Variants in CPNE4 observed in about 807,000 individuals in gnomAD.
CPNE4 encodes copine-4.
CPNE4 carries 25 observed loss-of-function variants against 67.9 expected under a neutral mutation model. The observed-to-expected ratio is 0.37, with a 90% CI of 0.27 to 0.51. CPNE4 has a LOEUF of 0.51. Ranked by LOEUF, CPNE4 falls within the 20% of genes least tolerant of loss-of-function variation. The pLI is 0.93. For synonymous variants in CPNE4, 242 were observed against 244.9 expected (o/e 0.99, Z 0.11); for missense variants, 464 against 690.8 (o/e 0.67, Z 3.68).
intron 1 of CPNE4, among the ~76,000 whole-genome samples, chr3:131,981,434 C>T (rs1332257784): frequency 6.6e-6 from 1 of 152,002 alleles, no homozygotes; most frequent in African/African-American, 2.4e-5. Context: ...CGGATTATGG[C>T]CGCCTCTTCT....
chr3:131,758,105 A>AC (rs1483838397), intron 2 of CPNE4, among the ~76,000 whole-genome samples: 1 of 152,202 alleles, frequency 6.6e-6, no homozygotes, highest in Non-Finnish European at 1.5e-5. Flanking sequence ...CTACTGGGGC[A>AC]CCACCTAGTG....
At chr3:131,797,950 T>C (rs1215666502) in intron 2 of CPNE4, among the ~76,000 whole-genome samples, 1 of 152,144 alleles carries the variant, frequency 6.6e-6, no homozygotes, top group Non-Finnish European at 1.5e-5. Context: ...ACCCGCCAAT[T>C]TGGTTCCCAG....
chr3:131,790,009 A>G (rs2083675183), intron 2 of CPNE4, among the ~76,000 whole-genome samples: 1 of 152,096 alleles, frequency 6.6e-6, no homozygotes, highest in Non-Finnish European at 1.5e-5. Context: ...CCCTTGTCAG[A>G]TCATTTAGTG....
At chr3:131,697,004 T>C (rs923605403) in intron 4 of CPNE4, among the ~76,000 whole-genome samples, 1 of 152,228 alleles carries the variant, frequency 6.6e-6, no homozygotes, top group Admixed American at 6.5e-5. Context: ...ATATTTCTTT[T>C]TGAGTGAGAC....
intron 2 of CPNE4, among the ~76,000 whole-genome samples, chr3:131,893,510 G>T (rs1012220005): frequency 6.6e-6 from 1 of 151,932 alleles, no homozygotes; most frequent in Admixed American, 6.6e-5. Context: ...TCATCCAATA[G>T]CTGAAGAATA....
intron 2 of CPNE4, among the ~76,000 whole-genome samples, chr3:131,737,996 A>G (rs960993547): frequency 1.3e-5 from 2 of 152,228 alleles, no homozygotes; most frequent in African/African-American, 4.8e-5. Flanking sequence ...TGATTTTTTC[A>G]GCACTGGGCC....
chr3:131,679,438 T>G (rs1042769887), intron 6 of CPNE4, among the ~76,000 whole-genome samples: 6 of 152,158 alleles, frequency 3.9e-5, no homozygotes, highest in Non-Finnish European at 8.8e-5. Context: ...TCAGTTCAGC[T>G]TTGATTTTGG....
chr3:131,663,934 G>T (rs11711732), intron 7 of CPNE4, among the ~76,000 whole-genome samples: 13,113 of 151,992 alleles, frequency 0.086, 647 homozygotes, highest in South Asian at 0.1. Flanking sequence ...TAATAACCTG[G>T]GCCTCTCTCC....
In CPNE4 at chr3:131,731,195, C is replaced by T. The variant is rs576050400; in HGVS notation, c.181-7570G>A. On this transcript the variant is annotated intron_variant, in intron 2 of 15. Transcript: ENST00000429747. Reference sequence around the variant, plus strand: ...GCACACTGGGTTCTGCTTATGGATCCCCTGGGATGAACATGCCGGAGAACC... The same window carrying T: ...GCACACTGGGTTCTGCTTATGGATCTCCTGGGATGAACATGCCGGAGAACC... Among the ~76,000 whole-genome samples, 5 of 152,246 alleles carry T rather than the reference C, an allele frequency of 3.3e-5. No individual in the cohort carries two copies. The South Asian group carries it at 1.0e-3, about 32-fold the overall frequency.
intron 2 of CPNE4, among the ~76,000 whole-genome samples, chr3:131,904,796 C>T (rs1345312158): frequency 2.0e-5 from 3 of 152,086 alleles, no homozygotes; most frequent in Non-Finnish European, 2.9e-5. Flanking sequence ...TGAGTAGTCA[C>T]TTCTCTCTCA....
chr3:131,984,009 T>C (rs1047559518), intron 1 of CPNE4, among the ~76,000 whole-genome samples: 1 of 152,126 alleles, frequency 6.6e-6, no homozygotes, highest in African/African-American at 2.4e-5. Flanking sequence ...CCAGAAGCAT[T>C]TTGCCCTTCT....
chr3:131,829,018 C>A (rs1172650041), intron 2 of CPNE4, among the ~76,000 whole-genome samples: 1 of 152,100 alleles, frequency 6.6e-6, no homozygotes, highest in African/African-American at 2.4e-5. Flanking sequence ...CAGGGGAGGC[C>A]GCACAATCGT....
intron 2 of CPNE4, among the ~76,000 whole-genome samples, chr3:131,870,111 T>A (rs2087131772): frequency 6.6e-6 from 1 of 152,068 alleles, no homozygotes; most frequent in Non-Finnish European, 1.5e-5. Context: ...AAGAGGGACC[T>A]CAGAAGAACA....
At chr3:131,837,738 T>C (rs923901749) in intron 2 of CPNE4, among the ~76,000 whole-genome samples, 2 of 151,906 alleles carry the variant, frequency 1.3e-5, no homozygotes, top group Non-Finnish European at 2.9e-5. Flanking sequence ...ACTGGTGAAA[T>C]CCAAATAATA....
At chr3:131,792,892 A>AGTGTGTGTGTGTGT (rs1553772420) in intron 2 of CPNE4, among the ~76,000 whole-genome samples, 25 of 127,972 alleles carry the variant, frequency 2.0e-4, no homozygotes, top group African/African-American at 7.0e-4. Context: ...AGGTATTTCC[A>AGTGTGTGTGTGTGT]GTGTGTGTGT....
At chr3:131,769,064 C>T (rs114744619) in intron 2 of CPNE4, among the ~76,000 whole-genome samples, 433 of 152,228 alleles carry the variant, frequency 2.8e-3, no homozygotes, top group African/African-American at 9.9e-3. Flanking sequence ...TTCATCCATT[C>T]GTGCTGTCAG....
At chr3:131,587,418 G>T in intron 8 of CPNE4, 66 bp downstream of exon 8, 1 of 985,474 alleles carries the variant, frequency 1.0e-6, no homozygotes, top group Non-Finnish European at 1.6e-6. Context: ...CTGTTTCATT[G>T]GTAGCTGTGT....
chr3:131,638,905 C>G (rs1055089357), intron 7 of CPNE4, among the ~76,000 whole-genome samples: 1 of 151,922 alleles, frequency 6.6e-6, no homozygotes, highest in Non-Finnish European at 1.5e-5. Flanking sequence ...ATTAAATAGC[C>G]TGTTTCCAAA....
At chr3:131,652,964 C>A (rs1050434735) in intron 7 of CPNE4, among the ~76,000 whole-genome samples, 1 of 152,160 alleles carries the variant, frequency 6.6e-6, no homozygotes, top group South Asian at 2.1e-4. Context: ...TCATCCCAAA[C>A]CTTTTGCTCC....
Sources: gnomAD v4.1 joint callset for allele counts (sites outside exome capture counted in the v4.1 genomes callset) on GRCh38, gnomAD v4.1.1 for gene constraint, MANE v1.5 for transcripts, NCBI Gene and HGNC (gene_info 2026-07-23, HGNC 2026-07-21) for gene names.